DPP10: variants seen among roughly 807,000 people sequenced by gnomAD.
DPP10 encodes the protein dipeptidyl peptidase like 10, also known as inactive dipeptidyl peptidase 10.
In DPP10, 33 loss-of-function variants were observed where a neutral mutation model predicts 120.9. That is an observed-to-expected ratio of 0.27 (90% CI 0.21 to 0.37). The LOEUF is 0.37. Among genes scored for constraint, DPP10 ranks in the 10% least tolerant of loss-of-function variants. The pLI is 1.00. For missense variants in DPP10, 816 were observed against 942.8 expected (o/e 0.87, Z 1.76); for synonymous variants, 337 against 326.1 (o/e 1.03, Z -0.36).
intron 1 of DPP10, among the ~76,000 whole-genome samples, chr2:114,878,090 G>A (rs941976686): frequency 2.0e-5 from 3 of 151,904 alleles, no homozygotes; most frequent in East Asian, 1.9e-4. Flanking sequence ...AGAAATAAAA[G>A]CCCTTAAGAA....
At chr2:115,619,007 A>G (rs959547813) in intron 5 of DPP10, among the ~76,000 whole-genome samples, 1 of 139,104 alleles carries the variant, frequency 7.2e-6, no homozygotes, top group African/African-American at 2.8e-5. Flanking sequence ...TTTGAACTTC[A>G]GCTCAGATAA....
intron 1 of DPP10, among the ~76,000 whole-genome samples, chr2:114,733,157 G>A (rs1307829303): frequency 6.6e-6 from 1 of 152,140 alleles, no homozygotes; most frequent in African/African-American, 2.4e-5. Context: ...TCTTAAGTTT[G>A]GCTCAAGATC....
intron 4 of DPP10, among the ~76,000 whole-genome samples, chr2:115,509,701 C>G (rs933632628): frequency 6.6e-6 from 1 of 151,908 alleles, no homozygotes; most frequent in Non-Finnish European, 1.5e-5. Context: ...CAAAACAAAA[C>G]AAAACAAAAC....
intron 1 of DPP10, among the ~76,000 whole-genome samples, chr2:114,917,723 A>G (rs896031431): frequency 6.6e-6 from 1 of 152,170 alleles, no homozygotes. Context: ...TCCCTATTAA[A>G]TAAACGGTGC....
intron 1 of DPP10, among the ~76,000 whole-genome samples, chr2:114,579,079 A>G (rs1690283497): frequency 6.6e-6 from 1 of 152,210 alleles, no homozygotes; most frequent in Non-Finnish European, 1.5e-5. Context: ...TTGAGCACCC[A>G]TCATTTATCT....
rs1023558260 is a variant in DPP10 at position 114,816,349 on chromosome 2, A to C, written c.60+373511A>C. On this transcript the variant is annotated intron_variant, in intron 1 of 25. Transcript: ENST00000410059. ...GAAGAAAAGCAGCCATAGGCAATAC[A>C]TAAACAAATGAGCAGGCCTCTGTTT... 2.6e-5 allele frequency among the ~76,000 whole-genome samples: 4 copies of C among 152,248 alleles called. No homozygotes were observed. In the East Asian group the frequency reaches 5.8e-4, roughly 22 times the overall value.
chr2:114,814,690 GA>G (rs936035353), intron 1 of DPP10, among the ~76,000 whole-genome samples: 2 of 150,114 alleles, frequency 1.3e-5, no homozygotes, highest in South Asian at 2.1e-4. Context: ...TCTTATTTTA[GA>G]AAAAAAAAGC....
At chr2:115,008,047 T>G (rs1382229223) in intron 1 of DPP10, among the ~76,000 whole-genome samples, 1 of 148,930 alleles carries the variant, frequency 6.7e-6, no homozygotes, top group African/African-American at 2.5e-5. Context: ...AAGCTACCAA[T>G]GCCTTTCTTC....
At chr2:115,633,953 T>C (rs1235318703) in intron 5 of DPP10, among the ~76,000 whole-genome samples, 1 of 152,304 alleles carries the variant, frequency 6.6e-6, no homozygotes, top group East Asian at 1.9e-4. Context: ...TTACATAATC[T>C]CATAGTTCTT....
At chr2:115,363,106 G>A (rs2064881218) in intron 3 of DPP10, among the ~76,000 whole-genome samples, 1 of 152,070 alleles carries the variant, frequency 6.6e-6, no homozygotes, top group African/African-American at 2.4e-5. Context: ...TCTGGTCTCT[G>A]GTGTTATTCA....
At position 115,334,230 on chromosome 2, in the gene DPP10, G is replaced by GTTTTTT; in HGVS notation, c.176-9576_176-9571dup. Among the ~76,000 whole-genome samples the GTTTTTT allele has an allele frequency of 2.6e-3, 145 of 56,412 alleles. 32 individuals are homozygous for GTTTTTT. Among genetic ancestry groups the GTTTTTT allele is most frequent in the Non-Finnish European group, 4.2e-3 (107 of 25,180 alleles). The allele number at this position is 56,412 out of a possible 152,430, so 37.0% of individuals were successfully genotyped here. A position where few individuals can be genotyped will look rare whatever the true frequency, so the allele number is the denominator to read the frequency against. ...TCAGGAATGGACCAGAGCAGACTCT[G>GTTTTTT]TTTTTTTTTTTTTTTTAAGAAACCT... On this transcript the variant is annotated intron_variant, in intron 2 of 25. Coordinates refer to ENST00000410059, the MANE Select transcript of DPP10 (RefSeq NM_020868.6).
chr2:115,194,714 T>C lies in DPP10; in HGVS notation c.61-114525T>C, dbSNP rs2055137258. Among the ~76,000 whole-genome samples, 4 of 152,260 alleles carry C rather than the reference T, an allele frequency of 2.6e-5. No individual in the cohort carries two copies. In the South Asian group the frequency reaches 8.3e-4, roughly 32 times the overall value. ...CCATAGACAACTGTACCTGACTAAT[T>C]CTAAAATTTTTTAAGTTCACAGTGT... On this transcript the variant is annotated intron_variant, in intron 1 of 25. Transcript: ENST00000410059.
At chr2:115,829,568 C>G (rs895502553) in intron 21 of DPP10, among the ~76,000 whole-genome samples, 2 of 151,864 alleles carry the variant, frequency 1.3e-5, no homozygotes, top group South Asian at 2.1e-4. Flanking sequence ...AAATTTGTTT[C>G]AACAGTTATA....
intron 4 of DPP10, among the ~76,000 whole-genome samples, chr2:115,520,337 C>A (rs1167945354): frequency 6.6e-6 from 1 of 151,874 alleles, no homozygotes; most frequent in Non-Finnish European, 1.5e-5. Context: ...CAAAACAAAA[C>A]ATAAAGGATA....
rs575658573 is a variant in DPP10, at chr2:114,916,628, G to T, written c.61-392611G>T. The stretch of plus-strand genomic sequence containing the variant: ...GCACATCAAAAAGCTAGTCCACCAC[G>T]GTCAAGTAGGCTTTATTCCTAGGAT... On this transcript the variant is annotated intron_variant, in intron 1 of 25. Coordinates refer to ENST00000410059, the MANE Select transcript of DPP10 (RefSeq NM_020868.6). 3.9e-5 allele frequency among the ~76,000 whole-genome samples: 6 copies of T among 152,076 alleles called. No homozygotes were observed. The East Asian group carries it at 1.2e-3, about 29-fold the overall frequency.
At chr2:115,349,060 A>G (rs1232116588) in intron 3 of DPP10, among the ~76,000 whole-genome samples, 1 of 152,124 alleles carries the variant, frequency 6.6e-6, no homozygotes, top group Admixed American at 6.6e-5. Context: ...CTCCATAAAT[A>G]GTTTCATTAT....
At chr2:115,197,129 C>T (rs889126460) in intron 1 of DPP10, among the ~76,000 whole-genome samples, 5 of 152,128 alleles carry the variant, frequency 3.3e-5, no homozygotes, top group Non-Finnish European at 7.4e-5. Context: ...AGGGGTGGCT[C>T]ACGCCTATAA....
In DPP10 at chr2:115,027,195, G is replaced by A. The variant is rs560781033; in HGVS notation, c.61-282044G>A. On this transcript the variant is annotated intron_variant, in intron 1 of 25. Coordinates refer to ENST00000410059, the MANE Select transcript of DPP10 (RefSeq NM_020868.6). ...TTATATGTTGGTTTTTGTATCCTGC[G>A]ACTTTACTGAATTTGTTTATTGATT... 1.3e-3 allele frequency among the ~76,000 whole-genome samples: 200 copies of A among 152,038 alleles called. 1 individual carries two copies. The highest frequency in any genetic ancestry group is 2.1e-3 in the Non-Finnish European group (143 of 67,932).
At chr2:115,380,477 G>A (rs1205592824) in intron 3 of DPP10, among the ~76,000 whole-genome samples, 2 of 152,286 alleles carry the variant, frequency 1.3e-5, no homozygotes, top group East Asian at 3.9e-4. Context: ...CCTGAATACA[G>A]CACACTGATA....
Sources: gnomAD v4.1 joint callset for allele counts (sites outside exome capture counted in the v4.1 genomes callset) on GRCh38, gnomAD v4.1.1 for gene constraint, MANE v1.5 for transcripts, NCBI Gene and HGNC (gene_info 2026-07-23, HGNC 2026-07-21) for gene names.